Variants in RCAN2 observed in about 807,000 individuals in gnomAD.
RCAN2 encodes calcipressin-2.
A neutral mutation model predicts 23.6 loss-of-function variants in RCAN2; 9 were observed. That is an observed-to-expected ratio of 0.38 (90% CI 0.23 to 0.67). The LOEUF is 0.67. Among genes scored for constraint, RCAN2 ranks in the 30% least tolerant of loss-of-function variants. RCAN2 has a pLI of 0.51. For synonymous variants in RCAN2, 109 were observed against 115.7 expected, an observed-to-expected ratio of 0.94 and a Z score of 0.37; for missense variants, 273 against 302.3, an observed-to-expected ratio of 0.90 and a Z score of 0.72.
intron 2 of RCAN2, among the ~76,000 whole-genome samples, chr6:46,375,377 CT>C (rs1765429296): frequency 6.6e-6 from 1 of 152,202 alleles, no homozygotes; most frequent in Admixed American, 6.5e-5. Context: ...AAATCCTACC[CT>C]CTTGCAGCAT....
intron 4 of RCAN2, among the ~76,000 whole-genome samples, chr6:46,245,023 A>C (rs1766465586): frequency 6.6e-6 from 1 of 152,200 alleles, no homozygotes; most frequent in Non-Finnish European, 1.5e-5. Context: ...TACTTTATAC[A>C]CTGTGCAGTG....
At chr6:46,278,059 A>G (rs1030631845) in intron 2 of RCAN2, among the ~76,000 whole-genome samples, 5 of 152,282 alleles carry the variant, frequency 3.3e-5, no homozygotes, top group Admixed American at 1.3e-4. Flanking sequence ...TTATAAAATA[A>G]TAATAATTAC....
intron 1 of RCAN2, among the ~76,000 whole-genome samples, chr6:46,472,222 G>A (rs1313937296): frequency 1.3e-5 from 2 of 152,070 alleles, no homozygotes; most frequent in African/African-American, 4.8e-5. Context: ...TTGGGGATCT[G>A]GTCATAATTC....
At chr6:46,413,260 GAAAAT>G (rs995380057) in intron 2 of RCAN2, among the ~76,000 whole-genome samples, 4 of 152,196 alleles carry the variant, frequency 2.6e-5, no homozygotes, top group Admixed American at 1.3e-4. Context: ...CAGTATGAAT[GAAAAT>G]AAAATAAGAG....
At chr6:46,336,914 A>G (rs558973353) in intron 2 of RCAN2, among the ~76,000 whole-genome samples, 10 of 147,424 alleles carry the variant, frequency 6.8e-5, no homozygotes, top group Admixed American at 6.2e-4. Context: ...TGATCTGGGG[A>G]TGGGGGATAA....
At chr6:46,414,993 T>A (rs1187941525) in intron 2 of RCAN2, among the ~76,000 whole-genome samples, 7 of 152,178 alleles carry the variant, frequency 4.6e-5, no homozygotes, top group Non-Finnish European at 4.4e-5. Context: ...TGTATGGGTA[T>A]CACAGGGCTC....
At chr6:46,374,503 T>C (rs1054004437) in intron 2 of RCAN2, among the ~76,000 whole-genome samples, 5 of 152,230 alleles carry the variant, frequency 3.3e-5, no homozygotes, top group Non-Finnish European at 7.3e-5. Context: ...GCTTGATGCT[T>C]GATATTTTTT....
chr6:46,414,298 C>G (rs542731965), intron 2 of RCAN2, among the ~76,000 whole-genome samples: 1 of 152,250 alleles, frequency 6.6e-6, no homozygotes, highest in African/African-American at 2.4e-5. Context: ...ACACAAATTG[C>G]AAAGGCCTTG....
chr6:46,351,280 C>A (rs1397339844), intron 2 of RCAN2, among the ~76,000 whole-genome samples: 8 of 152,172 alleles, frequency 5.3e-5, no homozygotes, highest in Non-Finnish European at 1.0e-4. Context: ...ACTTCACAAC[C>A]AAGGCTTCCT....
At chr6:46,244,399 C>T (rs529988153) in intron 4 of RCAN2, among the ~76,000 whole-genome samples, 26 of 152,262 alleles carry the variant, frequency 1.7e-4, no homozygotes, top group African/African-American at 6.3e-4. Context: ...CTTCTGCCTC[C>T]ATCAGTCCCA....
rs1475043383 is a variant in RCAN2 at position 46,472,992 on chromosome 6, C to T, written c.-2-16014G>A. ...CATGGGACTAACTCAGAATACCAAG[C>T]TTAAGCCCCAAATCTTGCTTTCCAG... is the stretch of plus-strand genomic sequence containing the variant. On this transcript the variant is annotated intron_variant, in intron 1 of 4. Coordinates refer to ENST00000371374, the MANE Select transcript of RCAN2 (RefSeq NM_001251974.2). Among the ~76,000 whole-genome samples the T allele has an allele frequency of 2.0e-5, 3 of 152,288 alleles. No individual in the cohort carries two copies. In the South Asian group the frequency reaches 6.2e-4, roughly 32 times the overall value.
intron 2 of RCAN2, among the ~76,000 whole-genome samples, chr6:46,314,015 C>G (rs1763345566): frequency 6.6e-6 from 1 of 151,900 alleles, no homozygotes; most frequent in Non-Finnish European, 1.5e-5. Context: ...GGGCTTTTAG[C>G]TTAGTTTTTC....
intron 2 of RCAN2, among the ~76,000 whole-genome samples, chr6:46,338,333 T>C (rs1489444050): frequency 6.6e-6 from 1 of 152,162 alleles, no homozygotes; most frequent in East Asian, 1.9e-4. Flanking sequence ...CCTGTGCTGC[T>C]ATAAGTGATC....
At chr6:46,473,201 T>C (rs887335328) in intron 1 of RCAN2, among the ~76,000 whole-genome samples, 1 of 152,228 alleles carries the variant, frequency 6.6e-6, no homozygotes, top group Non-Finnish European at 1.5e-5. Flanking sequence ...TTGCAAACTC[T>C]TAAAGCATAC....
intron 2 of RCAN2, among the ~76,000 whole-genome samples, chr6:46,340,939 T>C (rs1764301064): frequency 6.6e-6 from 1 of 152,192 alleles, no homozygotes; most frequent in Non-Finnish European, 1.5e-5. Flanking sequence ...AATTAGCAGG[T>C]AGCCATATCA....
intron 2 of RCAN2, among the ~76,000 whole-genome samples, chr6:46,315,332 C>G (rs1169457286): frequency 6.6e-6 from 1 of 152,112 alleles, no homozygotes; most frequent in Non-Finnish European, 1.5e-5. Flanking sequence ...TGAGCCAATA[C>G]ATGAACACAC....
intron 2 of RCAN2, among the ~76,000 whole-genome samples, chr6:46,306,844 T>C (rs1763086195): frequency 6.6e-6 from 1 of 152,140 alleles, no homozygotes; most frequent in Admixed American, 6.5e-5. Context: ...TGACCTGCCC[T>C]ACTTTTTTTC....
At chr6:46,331,765 A>G (rs1296809079) in intron 2 of RCAN2, among the ~76,000 whole-genome samples, 1 of 152,358 alleles carries the variant, frequency 6.6e-6, no homozygotes, top group African/African-American at 2.4e-5. Flanking sequence ...GAAAATATGT[A>G]AATATTTTAA....
At chr6:46,282,504 AC>A (rs1200587130) in intron 2 of RCAN2, among the ~76,000 whole-genome samples, 1 of 149,770 alleles carries the variant, frequency 6.7e-6, no homozygotes. Flanking sequence ...AAACAAACAA[AC>A]AAAAGGTCAC....
Sources: gnomAD v4.1 joint callset for allele counts (sites outside exome capture counted in the v4.1 genomes callset) on GRCh38, gnomAD v4.1.1 for gene constraint, MANE v1.5 for transcripts, NCBI Gene and HGNC (gene_info 2026-07-23, HGNC 2026-07-21) for gene names.